The following HTR2C variants were observed in gnomAD, a reference collection of about 807,000 sequenced individuals.
HTR2C encodes the protein 5-hydroxytryptamine (serotonin) receptor 2C, G protein-coupled.
In HTR2C, 5 loss-of-function variants were observed where a neutral mutation model predicts 21.0. The observed-to-expected ratio is 0.24, with a 90% confidence interval of 0.12 to 0.50. The LOEUF is 0.50. Ranked by LOEUF, HTR2C falls within the 20% of genes least tolerant of loss-of-function variation. The pLI is 0.98. For missense variants in HTR2C, 271 were observed against 371.2 expected (o/e 0.73, Z 2.22); for synonymous variants, 150 against 145.3 (o/e 1.03, Z -0.23).
chrX:114,703,935 A>G (rs1932662494), intron 2 of HTR2C, among the ~76,000 whole-genome samples: 1 of 109,803 alleles, frequency 9.1e-6, no homozygotes, highest in Admixed American at 9.8e-5. Flanking sequence ...AAACACCTCT[A>G]CGCAAATAAA....
At chrX:114,837,197 A>C (rs1252005181) in intron 4 of HTR2C, among the ~76,000 whole-genome samples, 1 of 111,795 alleles carries the variant, frequency 8.9e-6, no homozygotes, top group Non-Finnish European at 1.9e-5. Context: ...TCAAAGTTAT[A>C]CTGGCCTCAT....
At chrX:114,668,169 T>C (rs1034232958) in intron 2 of HTR2C, among the ~76,000 whole-genome samples, 1 of 111,915 alleles carries the variant, frequency 8.9e-6, no homozygotes, top group Non-Finnish European at 1.9e-5. Context: ...TGACAAGTCC[T>C]GCCACTTTTT....
intron 2 of HTR2C, among the ~76,000 whole-genome samples, chrX:114,692,358 A>T (rs2147861401): frequency 8.9e-6 from 1 of 112,110 alleles, no homozygotes; most frequent in Admixed American, 9.5e-5. Context: ...GGACAATGCC[A>T]GTTCTTGTGA....
chrX:114,703,894 A>C (rs1470651549), intron 2 of HTR2C, among the ~76,000 whole-genome samples: 9 of 109,668 alleles, frequency 8.2e-5, no homozygotes, highest in Non-Finnish European at 1.5e-4. Flanking sequence ...CTGATCCCAC[A>C]GAAATACAAA....
chrX:114,714,852 T>C (rs1247415411), intron 2 of HTR2C, among the ~76,000 whole-genome samples: 1 of 111,607 alleles, frequency 9.0e-6, no homozygotes, highest in African/African-American at 3.3e-5. Flanking sequence ...AGACTAGAAC[T>C]CATGTCTCCT....
At chrX:114,767,377 A>G (rs2069956977) in intron 4 of HTR2C, among the ~76,000 whole-genome samples, 1 of 110,711 alleles carries the variant, frequency 9.0e-6, no homozygotes, top group African/African-American at 3.3e-5. Context: ...CTAAGAAAAA[A>G]CCTATTTTCT....
chrX:114,761,137 T>G (rs1556432197), intron 4 of HTR2C, among the ~76,000 whole-genome samples: 1 of 111,441 alleles, frequency 9.0e-6, no homozygotes, highest in East Asian at 2.8e-4. Context: ...TCAATATAAT[T>G]TTAAGATATT....
intron 5 of HTR2C, among the ~76,000 whole-genome samples, chrX:114,906,295 A>T (rs1556486596): frequency 8.9e-6 from 1 of 111,950 alleles, no homozygotes; most frequent in Non-Finnish European, 1.9e-5. Flanking sequence ...AACAAATCTG[A>T]CACAATCCAC....
At chrX:114,730,330 A>AG (rs782348493) in intron 3 of HTR2C, among the ~76,000 whole-genome samples, 1 of 111,984 alleles carries the variant, frequency 8.9e-6, no homozygotes, top group Admixed American at 9.5e-5. Context: ...GACCATCATG[A>AG]GAAATGTACA....
chrX:114,742,711 G>GT (rs137858628), intron 4 of HTR2C, among the ~76,000 whole-genome samples: 19,540 of 81,302 alleles, frequency 0.24, 2,051 homozygotes, highest in South Asian at 0.33. Context: ...AGCAGCTACT[G>GT]TTTTTTTTTT....
intron 4 of HTR2C, among the ~76,000 whole-genome samples, chrX:114,759,630 CA>C (rs782339872): frequency 4.5e-5 from 5 of 111,131 alleles, no homozygotes; most frequent in Non-Finnish European, 7.5e-5. Flanking sequence ...ACCAAGTTTC[CA>C]AATATTTACA....
intron 5 of HTR2C, among the ~76,000 whole-genome samples, chrX:114,868,914 C>T (rs2071068597): frequency 1.8e-5 from 2 of 110,183 alleles, no homozygotes; most frequent in African/African-American, 3.3e-5. Flanking sequence ...CATAGGTATA[C>T]ATGTGCCATG....
At chrX:114,786,112 A>T (rs2070171730) in intron 4 of HTR2C, among the ~76,000 whole-genome samples, 1 of 112,400 alleles carries the variant, frequency 8.9e-6, no homozygotes, top group Non-Finnish European at 1.9e-5. Context: ...GGAAATTAAA[A>T]TCGCAATTAA....
At chrX:114,806,685 C>CCATATAG (rs1556450010) in intron 4 of HTR2C, among the ~76,000 whole-genome samples, 3 of 96,503 alleles carry the variant, frequency 3.1e-5, no homozygotes, top group African/African-American at 1.1e-4. Flanking sequence ...ATATACACCA[C>CCATATAG]ATATATACAC....
At chrX:114,644,686 A>G (rs1474200468) in intron 2 of HTR2C, among the ~76,000 whole-genome samples, 3 of 108,946 alleles carry the variant, frequency 2.8e-5, no homozygotes, top group African/African-American at 1.0e-4. Context: ...TGAGTATTAC[A>G]TGCCTCTGCT....
At position 114,756,569 on chromosome X, in the gene HTR2C, A is replaced by G. The variant is rs906148846; in HGVS notation, c.349+24962A>G. 5.3e-5 allele frequency among the ~76,000 whole-genome samples: 6 copies of G among 112,289 alleles called. No individual in the cohort carries two copies. The East Asian group carries it at 1.7e-3, about 31-fold the overall frequency. ...CTCCAGAGAATTACGCTAAGTGAAA[A>G]GTGCCAATCCCAAAACATGACATGC... On this transcript the variant is annotated intron_variant, in intron 4 of 5. Transcript: ENST00000276198.
rs2070571534 is a variant in HTR2C, at chrX:114,815,002, A to G, written c.350-33001A>G. The stretch of plus-strand genomic sequence containing the variant: ...ACATTATATATTATAGTATATATAC[A>G]TATAATACTTTATACATAGTATATT... On this transcript the variant is annotated intron_variant, in intron 4 of 5. Coordinates refer to ENST00000276198, the MANE Select transcript of HTR2C (RefSeq NM_000868.4). Among the ~76,000 whole-genome samples, 3 of 103,806 alleles carry G rather than the reference A, an allele frequency of 2.9e-5. No individual in the cohort carries two copies. In the South Asian group the frequency reaches 1.2e-3, roughly 40 times the overall value. 90.1% of individuals were successfully genotyped at this position (103,806 alleles called of 115,157 possible).
At chrX:114,799,621 A>C (rs181945434) in intron 4 of HTR2C, among the ~76,000 whole-genome samples, 1 of 111,141 alleles carries the variant, frequency 9.0e-6, no homozygotes, top group African/African-American at 3.3e-5. Flanking sequence ...TTCATTAACT[A>C]AAAAGGAATA....
chrX:114,821,673 T>C (rs2147459766), intron 4 of HTR2C, among the ~76,000 whole-genome samples: 1 of 111,147 alleles, frequency 9.0e-6, no homozygotes, highest in East Asian at 2.8e-4. Flanking sequence ...TGCATTTTAA[T>C]ATTTCTGAAT....
Sources: allele counts gnomAD v4.1 joint callset (sites outside exome capture counted in the v4.1 genomes callset), GRCh38; gene constraint gnomAD v4.1.1; transcripts MANE v1.5; gene names NCBI Gene and HGNC (gene_info 2026-07-23, HGNC 2026-07-21).